The following IRF1 variants were observed in gnomAD, a reference collection of about 807,000 sequenced individuals.
IRF1 encodes interferon regulatory factor-1.
A neutral mutation model predicts 43.7 loss-of-function variants in IRF1; 13 were observed. The observed-to-expected ratio is 0.30, with a 90% CI of 0.19 to 0.47. The LOEUF is 0.47. Among genes scored for constraint, IRF1 ranks in the 20% least tolerant of loss-of-function variants. The pLI, the probability that IRF1 is intolerant of heterozygous loss-of-function variation, is 0.99. For synonymous variants in IRF1, 138 were observed against 146.8 expected (o/e 0.94, Z 0.43); for missense variants, 236 against 408.9 (o/e 0.58, Z 3.65).
rs1754420040 is a variant in IRF1 at position 132,482,848 on chromosome 5, A to C, written c.*1103T>G. 7.1e-6 allele frequency: 1 copy of C among 141,704 alleles called. No individual in the cohort carries two copies. Among genetic ancestry groups the C allele is most frequent in the Non-Finnish European group, 1.5e-5 (1 of 65,014 alleles). The allele number at this position is 141,704 out of a possible 1,614,324, so 8.8% of individuals were successfully genotyped here. A position where few individuals can be genotyped will look rare whatever the true frequency, so the allele number is the denominator to read the frequency against. ...GCATTTTTAGTAGAAATGGAGTTTCACCAGGCTGGTCTCGAACTCCTGACC... is the reference window on the plus strand; with the variant it reads ...GCATTTTTAGTAGAAATGGAGTTTCCCCAGGCTGGTCTCGAACTCCTGACC... On this transcript the variant is annotated 3_prime_UTR_variant, in exon 10 of 10. Transcript: ENST00000245414.
chr5:132,487,400 T>C, intron 3 of IRF1: 2 of 484,652 alleles, frequency 4.1e-6, no homozygotes, highest in Admixed American at 3.4e-5. Context: ...CAAAGTGTAC[T>C]ATCTGTGTCT....
chr5:132,488,343 T>A, intron 2 of IRF1: 2 of 271,584 alleles, frequency 7.4e-6, no homozygotes, highest in South Asian at 8.6e-5. Flanking sequence ...AGCTCTGGGA[T>A]GTTTCTCTCT....
At chr5:132,489,230 C>T (rs1754634230) in intron 2 of IRF1, 162 bp downstream of exon 2, 1 of 608,400 alleles carries the variant, frequency 1.6e-6, no homozygotes, top group African/African-American at 1.8e-5. Context: ...GCAAGTGAGG[C>T]CCAGGCTGGG....
At chr5:132,488,126 G>T in intron 2 of IRF1, 101 bp from the exon 3 acceptor site, 1 of 864,366 alleles carries the variant, frequency 1.2e-6, no homozygotes, top group Non-Finnish European at 1.9e-6. Flanking sequence ...ACAGGTCTGA[G>T]AAAAGGCTGA....
intron 9 of IRF1, 139 bp downstream of exon 9, chr5:132,484,223 G>A: frequency 1.4e-6 from 2 of 1,435,142 alleles, no homozygotes; most frequent in East Asian, 4.6e-5. Flanking sequence ...CTTAAGGCAT[G>A]GCAGCCGTAG....
rs977561770 is a variant in IRF1 at position 132,482,375 on chromosome 5, G to A, written c.*1576C>T. The stretch of plus-strand genomic sequence containing the variant: ...CTGGGACTACAGGCACCCGCCACTA[G>A]GCCCGGCTAATTTTTTATATTTTTA... On this transcript the variant is annotated 3_prime_UTR_variant, in exon 10 of 10. Transcript: ENST00000245414. 1.3e-5 allele frequency: 2 copies of A among 151,634 alleles called. No individual in the cohort carries two copies. The highest frequency in any genetic ancestry group is 2.4e-5 in the African/African-American group (1 of 41,248). 9.4% of individuals were successfully genotyped at this position (151,634 alleles called of 1,614,324 possible).
intron 8 of IRF1, chr5:132,485,414 G>A: frequency 1.9e-6 from 1 of 534,002 alleles, no homozygotes; most frequent in South Asian, 2.2e-5. Context: ...GATAGTGCCT[G>A]ACTCACAGAG....
chr5:132,486,887 GC>G, intron 4 of IRF1, 43 bp from the exon 5 acceptor site: 1 of 1,614,094 alleles, frequency 6.2e-7, no homozygotes, highest in Middle Eastern at 1.6e-4. Flanking sequence ...AGGCTCTCCA[GC>G]CCCAGCTGAC....
intron 2 of IRF1, 41 bp from the exon 3 acceptor site, chr5:132,488,066 G>C (rs772847790): frequency 9.5e-6 from 14 of 1,475,818 alleles, no homozygotes; most frequent in Non-Finnish European, 1.2e-5. Context: ...TGTCAGGTCA[G>C]AGACCACAGA....
At chr5:132,485,536 A>T in intron 8 of IRF1, 131 bp downstream of exon 8, 1 of 798,298 alleles carries the variant, frequency 1.3e-6, no homozygotes, top group Non-Finnish European at 2.3e-6. Context: ...TGAATGTGGC[A>T]CTTGTGGGAC....
rs1025444175 is a variant in IRF1, at chr5:132,486,900, T to G, written c.364+54A>C. 13 of 1,613,896 alleles carry G rather than the reference T, an allele frequency of 8.1e-6. No individual in the cohort carries two copies. The African/African-American group carries it at 1.7e-4, about 22-fold the overall frequency. On this transcript the variant is annotated intron_variant, in intron 4 of 9. Coordinates refer to ENST00000245414, the MANE Select transcript of IRF1 (RefSeq NM_002198.3). ...GCAGGCTCTCCAGCCCCAGCTGACC[T>G]CCTTCTACCCTCCCTCCCTGAGGGC...
chr5:132,487,227 CT>C, intron 3 of IRF1, 97 bp from the exon 4 acceptor site: 1 of 1,221,750 alleles, frequency 8.2e-7, no homozygotes, highest in Non-Finnish European at 1.2e-6. Flanking sequence ...CCCCTGACCT[CT>C]TATGCTACCA....
At chr5:132,489,251 T>C (rs1754634984) in intron 2 of IRF1, 141 bp downstream of exon 2, 4 of 680,854 alleles carry the variant, frequency 5.9e-6, no homozygotes, top group Non-Finnish European at 1.1e-5. Flanking sequence ...CCGTGCACAC[T>C]CCCTGCATGC....
intron 1 of IRF1, 141 bp from the exon 2 acceptor site, chr5:132,489,624 T>C: frequency 1.6e-6 from 1 of 616,362 alleles, no homozygotes; most frequent in Non-Finnish European, 2.9e-6. Flanking sequence ...GGAGGGGAGC[T>C]GCGCTGGAAT....
chr5:132,489,614 G>A, intron 1 of IRF1, 131 bp from the exon 2 acceptor site: 1 of 654,412 alleles, frequency 1.5e-6, no homozygotes. Flanking sequence ...CACTCAGTGC[G>A]GAGGGGAGCT....
chr5:132,484,252 G>C, intron 9 of IRF1, 110 bp downstream of exon 9: 1 of 1,461,558 alleles, frequency 6.8e-7, no homozygotes, highest in Non-Finnish European at 9.4e-7. Context: ...CAATGTGTCA[G>C]TACCCCAGAT....
chr5:132,484,170 C>A, intron 9 of IRF1, 95 bp from the exon 10 acceptor site: 1 of 1,513,196 alleles, frequency 6.6e-7, no homozygotes, highest in Non-Finnish European at 9.0e-7. Context: ...GGCCTCTGCT[C>A]TTCCCAGCAC....
chr5:132,483,698 A>G lies in IRF1; in HGVS notation c.*253T>C. On this transcript the variant is annotated 3_prime_UTR_variant, in exon 10 of 10. Transcript: ENST00000245414. ...ACACTGACTCCTGTCCAAGTCCCTG[A>G]CCTGATACACTGGTCTCAGAACCTC... 1 of 460,126 alleles carries G rather than the reference A, an allele frequency of 2.2e-6. No homozygotes were observed. Among genetic ancestry groups the G allele is most frequent in the Non-Finnish European group, 4.0e-6 (1 of 251,680 alleles). 28.5% of individuals were successfully genotyped at this position (460,126 alleles called of 1,614,324 possible). A position where few individuals can be genotyped will look rare whatever the true frequency, so the allele number is the denominator to read the frequency against.
chr5:132,487,800 C>T (rs1401715375), intron 3 of IRF1, 126 bp downstream of exon 3: 2 of 642,448 alleles, frequency 3.1e-6, no homozygotes, highest in African/African-American at 1.8e-5. Context: ...ACCAGCCCCT[C>T]TTCCCAGTAA....
Sources: gnomAD v4.1 joint callset for allele counts on GRCh38, gnomAD v4.1.1 for gene constraint, MANE v1.5 for transcripts, NCBI Gene and HGNC (gene_info 2026-07-23, HGNC 2026-07-21) for gene names.